PVT1: variants seen among roughly 807,000 people sequenced by gnomAD.
PVT1 encodes the protein Pvt1 oncogene.
chr8:127,816,172 A>G (rs1814657197), intron 2 of PVT1, among the ~76,000 whole-genome samples: 1 of 152,178 alleles, frequency 6.6e-6, no homozygotes, highest in Admixed American at 6.5e-5. Context: ...TGGGAGGCAT[A>G]TTGGTAAGTA....
At chr8:128,008,828 G>T in intron 4 of PVT1, 2 of 451,338 alleles carry the variant, frequency 4.4e-6, no homozygotes, top group East Asian at 5.8e-5. Context: ...GCAGGTTGGG[G>T]CCTGAAAAAC....
chr8:128,068,220 C>T (rs567723112), intron 4 of PVT1, among the ~76,000 whole-genome samples: 2 of 151,880 alleles, frequency 1.3e-5, no homozygotes, highest in East Asian at 1.9e-4. Flanking sequence ...TCCTTCTTTC[C>T]CAGGAGGCTT....
intron 4 of PVT1, among the ~76,000 whole-genome samples, chr8:128,060,256 A>G (rs186391563): frequency 6.6e-6 from 1 of 152,308 alleles, no homozygotes; most frequent in African/African-American, 2.4e-5. Context: ...ACTCCGTCAA[A>G]AAGAAAGAAT....
intron 2 of PVT1, among the ~76,000 whole-genome samples, chr8:127,818,234 G>C (rs1814688975): frequency 6.6e-6 from 1 of 152,086 alleles, no homozygotes; most frequent in Non-Finnish European, 1.5e-5. Context: ...CAGTAGATGT[G>C]TGCCCTTGAG....
At chr8:128,013,276 T>A (rs1332585711) in intron 4 of PVT1, among the ~76,000 whole-genome samples, 1 of 152,238 alleles carries the variant, frequency 6.6e-6, no homozygotes, top group Non-Finnish European at 1.5e-5. Context: ...CTTGGGATTA[T>A]GCCTGTTGAA....
intron 4 of PVT1, among the ~76,000 whole-genome samples, chr8:128,047,809 C>T (rs1331517365): frequency 6.6e-6 from 1 of 152,052 alleles, no homozygotes; most frequent in Non-Finnish European, 1.5e-5. Context: ...TTAATTAACT[C>T]AACTTAGCCA....
At chr8:127,843,535 C>T (rs1478248390) in intron 2 of PVT1, among the ~76,000 whole-genome samples, 6 of 151,036 alleles carry the variant, frequency 4.0e-5, no homozygotes, top group Non-Finnish European at 7.4e-5. Flanking sequence ...CTCCGCTTCC[C>T]GGGTTCACGC....
chr8:127,934,370 TG>T (rs1816246287), intron 3 of PVT1, among the ~76,000 whole-genome samples: 1 of 152,188 alleles, frequency 6.6e-6, no homozygotes, highest in South Asian at 2.1e-4. Context: ...TGGTGGTGAC[TG>T]GGGTGGGGAC....
intron 4 of PVT1, among the ~76,000 whole-genome samples, chr8:128,060,291 A>G (rs565628828): frequency 6.6e-6 from 1 of 152,162 alleles, no homozygotes; most frequent in Admixed American, 6.5e-5. Flanking sequence ...GTTGGCCTCA[A>G]AGTTCTTGGT....
chr8:127,877,805 A>G (rs56187270), intron 2 of PVT1, among the ~76,000 whole-genome samples: 12,489 of 152,134 alleles, frequency 0.082, 587 homozygotes, highest in East Asian at 0.14. Flanking sequence ...TCGCACCCGT[A>G]GTCCCAGCTA....
intron 3 of PVT1, among the ~76,000 whole-genome samples, chr8:127,973,051 C>T (rs1401784944): frequency 6.6e-6 from 1 of 152,204 alleles, no homozygotes; most frequent in African/African-American, 2.4e-5. Context: ...GCCACAATGT[C>T]CAGTTAAGTT....
At chr8:128,073,869 A>G (rs1233665148) in intron 5 of PVT1, among the ~76,000 whole-genome samples, 1 of 151,536 alleles carries the variant, frequency 6.6e-6, no homozygotes, top group African/African-American at 2.4e-5. Flanking sequence ...GGCACAGCTG[A>G]TAAGTAGCAA....
intron 4 of PVT1, among the ~76,000 whole-genome samples, chr8:128,037,180 T>A (rs1447137091): frequency 1.3e-5 from 2 of 152,202 alleles, no homozygotes; most frequent in Non-Finnish European, 2.9e-5. Context: ...GCTGGGGCCT[T>A]AGGCCCTGCA....
At position 128,097,238 on chromosome 8, in the gene PVT1, G is replaced by A. The variant is rs140155388; in HGVS notation, n.1251+584G>A. On this transcript the variant is annotated intron_variant and non_coding_transcript_variant, in intron 6 of 10. Coordinates refer to ENST00000651587, the Ensembl canonical transcript of PVT1. ...TATCCAGGCATGGTAGCGCACATCT[G>A]TAATCCCACCTGCTTGGAAGGCTGA... Among the ~76,000 whole-genome samples the A allele has an allele frequency of 9.9e-5, 15 of 152,254 alleles. No homozygotes were observed. In the East Asian group the frequency reaches 2.7e-3, roughly 27 times the overall value.
At chr8:127,856,722 A>T (rs1467293186) in intron 2 of PVT1, among the ~76,000 whole-genome samples, 9 of 152,252 alleles carry the variant, frequency 5.9e-5, no homozygotes. Context: ...AGTAAATGAC[A>T]GTGGAGTATT....
At chr8:127,953,737 GA>G (rs1360063528) in intron 3 of PVT1, among the ~76,000 whole-genome samples, 2 of 152,184 alleles carry the variant, frequency 1.3e-5, no homozygotes, top group African/African-American at 4.8e-5. Context: ...CCTACTCCAA[GA>G]AATCTGTTGT....
At chr8:127,795,832 C>T (rs1203123132) in intron 1 of PVT1, 1 of 167,136 alleles carries the variant, frequency 6.0e-6, no homozygotes, top group Non-Finnish European at 1.5e-5. Flanking sequence ...CTTTCTAAAG[C>T]TCTGATCAGT....
chr8:127,843,399 C>T (rs116531415), intron 2 of PVT1, among the ~76,000 whole-genome samples: 6,628 of 152,130 alleles, frequency 0.044, 517 homozygotes, highest in African/African-American at 0.15. Context: ...TTTATCCTTG[C>T]CAAGTTTTTG....
intron 4 of PVT1, among the ~76,000 whole-genome samples, chr8:127,990,513 A>G (rs1314321762): frequency 6.6e-6 from 1 of 152,222 alleles, no homozygotes; most frequent in Non-Finnish European, 1.5e-5. Flanking sequence ...AGATGTTGGA[A>G]AGAATAAATG....
Sources: allele counts gnomAD v4.1 joint callset (sites outside exome capture counted in the v4.1 genomes callset), GRCh38; gene constraint gnomAD v4.1.1; transcripts MANE v1.5; gene names NCBI Gene and HGNC (gene_info 2026-07-23, HGNC 2026-07-21).